Variants in MAP4K4 observed in about 807,000 individuals in gnomAD.
MAP4K4 encodes HPK/GCK-like kinase HGK.
In MAP4K4, 38 loss-of-function variants were observed where a neutral mutation model predicts 189.6. The observed-to-expected ratio is 0.20, with a 90% CI of 0.15 to 0.26. The LOEUF (loss-of-function observed/expected upper bound fraction) is 0.26. MAP4K4 is among the 10% of genes least tolerant of loss of function. The pLI is 1.00. For synonymous variants in MAP4K4, 610 were observed against 624.3 expected, an observed-to-expected ratio of 0.98 and a Z score of 0.34; for missense variants, 1,054 against 1,726.9, an observed-to-expected ratio of 0.61 and a Z score of 6.91.
intron 9 of MAP4K4, 148 bp downstream of exon 9, chr2:101,836,126 G>A (rs774808454): frequency 2.7e-4 from 165 of 602,848 alleles, no homozygotes; most frequent in Admixed American, 6.0e-4. Context: ...TAAAAGATGC[G>A]TTGATTTTTT....
intron 2 of MAP4K4, among the ~76,000 whole-genome samples, chr2:101,757,783 GC>G (rs796972210): frequency 6.6e-5 from 10 of 152,340 alleles, no homozygotes; most frequent in African/African-American, 2.2e-4. Context: ...ACTTTGGGAG[GC>G]CGAGGCGAGT....
chr2:101,796,795 T>G (rs559817520), intron 3 of MAP4K4, among the ~76,000 whole-genome samples: 1 of 149,620 alleles, frequency 6.7e-6, no homozygotes, highest in South Asian at 2.1e-4. Context: ...GAAGAGCCAG[T>G]ATACTGGAAG....
intron 3 of MAP4K4, among the ~76,000 whole-genome samples, chr2:101,811,386 A>AAGG (rs1553493583): frequency 7.1e-6 from 1 of 140,754 alleles, no homozygotes; most frequent in African/African-American, 3.1e-5. Flanking sequence ...AAAAAAAAAA[A>AAGG]AAAAAGAATG....
chr2:101,881,653 T>G (rs1045853347), intron 27 of MAP4K4, among the ~76,000 whole-genome samples: 1 of 152,216 alleles, frequency 6.6e-6, no homozygotes, highest in Non-Finnish European at 1.5e-5. Context: ...TGACGTTAGC[T>G]GTAAGGTTTT....
chr2:101,882,521 C>T (rs766610824), intron 27 of MAP4K4, 30 bp from the exon 28 acceptor site: 1 of 1,514,932 alleles, frequency 6.6e-7, no homozygotes, highest in African/African-American at 1.4e-5. Flanking sequence ...TCTGGATATG[C>T]ATGTAAAATA....
intron 2 of MAP4K4, among the ~76,000 whole-genome samples, chr2:101,769,610 G>T (rs1166547645): frequency 9.3e-5 from 14 of 151,336 alleles, no homozygotes; most frequent in African/African-American, 2.9e-4. Flanking sequence ...TTGAGGTGGA[G>T]TCTTGCTCTG....
At chr2:101,816,357 G>T in intron 3 of MAP4K4, among the ~76,000 whole-genome samples, 1 of 152,212 alleles carries the variant, frequency 6.6e-6, no homozygotes, top group Admixed American at 6.5e-5. Context: ...GTGAGTGCAT[G>T]GATGAATCCA....
intron 16 of MAP4K4, among the ~76,000 whole-genome samples, chr2:101,862,696 C>G (rs1397011485): frequency 6.6e-6 from 1 of 151,830 alleles, no homozygotes; most frequent in East Asian, 1.9e-4. Flanking sequence ...GTGTAGGACT[C>G]TATTTTAAAA....
chr2:101,844,355 C>G (rs1297159007), intron 12 of MAP4K4, 44 bp downstream of exon 12: 4 of 1,507,834 alleles, frequency 2.7e-6, no homozygotes, highest in Non-Finnish European at 3.6e-6. Context: ...TTTTCTCTTT[C>G]TGCATTTACA....
At chr2:101,726,735 G>T (rs995366759) in intron 2 of MAP4K4, among the ~76,000 whole-genome samples, 1 of 152,038 alleles carries the variant, frequency 6.6e-6, no homozygotes, top group Non-Finnish European at 1.5e-5. Flanking sequence ...ATGTTTTGTG[G>T]TTTGTTTGGC....
Position 101,797,889 on chromosome 2 carries a change from G to GTTTTTTTTTTTT in MAP4K4, c.180+7123_180+7134dup, listed in dbSNP as rs58201235. 3.7e-3 allele frequency among the ~76,000 whole-genome samples: 196 copies of GTTTTTTTTTTTT among 52,306 alleles called. 19 individuals are homozygous for GTTTTTTTTTTTT. Among genetic ancestry groups the GTTTTTTTTTTTT allele is most frequent in the Non-Finnish European group, 5.2e-3 (155 of 29,924 alleles). The allele number at this position is 52,306 out of a possible 152,430, so 34.3% of individuals were successfully genotyped here. A position where few individuals can be genotyped will look rare whatever the true frequency, so the allele number is the denominator to read the frequency against. On this transcript the variant is annotated intron_variant, in intron 3 of 32. Coordinates refer to ENST00000324219, the Ensembl canonical transcript of MAP4K4. ...TGAAGCTTTTTAAAACATTCTTTTA[G>GTTTTTTTTTTTT]TTTTTTTTTTTTTTTTTTTTTGGAG... is the stretch of plus-strand genomic sequence containing the variant.
chr2:101,866,796 A>G (rs577413535), intron 19 of MAP4K4, among the ~76,000 whole-genome samples: 1 of 146,464 alleles, frequency 6.8e-6, no homozygotes, highest in East Asian at 2.1e-4. Context: ...AGCGCTTTAC[A>G]ATTTAGTGGG....
intron 16 of MAP4K4, among the ~76,000 whole-genome samples, chr2:101,863,219 G>T (rs966374073): frequency 6.6e-6 from 1 of 152,076 alleles, no homozygotes; most frequent in African/African-American, 2.4e-5. Flanking sequence ...GAGATACCTG[G>T]GTTATGGGTG....
rs2097858396 is a variant in MAP4K4, at chr2:101,867,770, T to TAG, written c.2455-259_2455-258insAG. 3 of 477,676 alleles carry TAG rather than the reference T, an allele frequency of 6.3e-6. No individual in the cohort carries two copies. The East Asian group carries it at 9.6e-5, about 15-fold the overall frequency. The allele number at this position is 477,676 out of a possible 1,614,324, so 29.6% of individuals were successfully genotyped here. On this transcript the variant is annotated intron_variant, in intron 20 of 32. Transcript: ENST00000324219. ...AAAATCACCTTCTTAAACTCACTGG[T>TAG]TGCCTACCTTCTGCTTTTTGGTACC... is the stretch of plus-strand genomic sequence containing the variant.
At chr2:101,858,523 A>G (rs1387984861) in intron 13 of MAP4K4, among the ~76,000 whole-genome samples, 2 of 152,162 alleles carry the variant, frequency 1.3e-5, no homozygotes, top group African/African-American at 4.8e-5. Context: ...GAAAGCATGA[A>G]TCATGTTTGT....
At chr2:101,729,093 A>T (rs371845008) in intron 2 of MAP4K4, among the ~76,000 whole-genome samples, 1 of 112,534 alleles carries the variant, frequency 8.9e-6, no homozygotes, top group African/African-American at 3.4e-5. Context: ...AGAGAGAGAG[A>T]GAGAGAGAGT....
chr2:101,857,736 G>T (rs185623132), intron 13 of MAP4K4, among the ~76,000 whole-genome samples: 84 of 152,166 alleles, frequency 5.5e-4, no homozygotes, highest in Non-Finnish European at 6.8e-4. Flanking sequence ...CCCCCAGTTG[G>T]CTTTTTTGGC....
chr2:101,867,115 G>A, intron 19 of MAP4K4, 97 bp from the exon 20 acceptor site: 1 of 737,324 alleles, frequency 1.4e-6, no homozygotes, highest in Non-Finnish European at 2.3e-6. Context: ...ACCATGAGTG[G>A]GCAGACAGGA....
intron 2 of MAP4K4, among the ~76,000 whole-genome samples, chr2:101,773,597 C>T (rs1357706350): frequency 6.6e-6 from 1 of 152,122 alleles, no homozygotes; most frequent in Non-Finnish European, 1.5e-5. Context: ...TAGAAACAAT[C>T]CAGTTATACT....
Sources: gnomAD v4.1 joint callset for allele counts (sites outside exome capture counted in the v4.1 genomes callset) on GRCh38, gnomAD v4.1.1 for gene constraint, MANE v1.5 for transcripts, NCBI Gene and HGNC (gene_info 2026-07-23, HGNC 2026-07-21) for gene names.